The following SLC45A4 variants were observed in gnomAD, a reference collection of about 807,000 sequenced individuals.
The protein encoded by SLC45A4 is solute carrier family 45 member 4, also known as polyamine-transporter SLC45A4.
Under a neutral mutation model 63.7 loss-of-function variants are expected in SLC45A4, and 32 were observed. The ratio of observed to expected loss-of-function variants is 0.50; its 90% CI spans 0.38 to 0.67. The LOEUF (loss-of-function observed/expected upper bound fraction) is 0.67. SLC45A4 is among the 30% of genes least tolerant of loss of function. SLC45A4 has a pLI of 0.00. For synonymous variants in SLC45A4, 535 were observed against 510.0 expected (o/e 1.05, Z -0.66); for missense variants, 1,027 against 1,157.7 (o/e 0.89, Z 1.64).
chr8:141,247,743 C>T (rs1828285397), intron 2 of SLC45A4, among the ~76,000 whole-genome samples: 1 of 152,170 alleles, frequency 6.6e-6, no homozygotes, highest in Admixed American at 6.5e-5. Context: ...GGCATATTTC[C>T]TAATTTCGAG....
intron 2 of SLC45A4, among the ~76,000 whole-genome samples, chr8:141,244,183 C>T (rs960182940): frequency 8.5e-5 from 13 of 152,186 alleles, no homozygotes; most frequent in African/African-American, 3.1e-4. Context: ...GGGCACAGTG[C>T]TGACTGGTAA....
chr8:141,222,196 A>T (rs1826686516), intron 2 of SLC45A4, among the ~76,000 whole-genome samples: 1 of 152,242 alleles, frequency 6.6e-6, no homozygotes, highest in Non-Finnish European at 1.5e-5. Flanking sequence ...GTCCCTTGAC[A>T]CCAGACAGTC....
chr8:141,217,250 C>T, intron 5 of SLC45A4, 61 bp from the exon 6 acceptor site: 3 of 1,548,108 alleles, frequency 1.9e-6, no homozygotes, highest in East Asian at 2.3e-5. Context: ...AGGCCAGGAG[C>T]GTATTTCCCA....
intron 2 of SLC45A4, among the ~76,000 whole-genome samples, chr8:141,241,031 G>T (rs117931335): frequency 6.6e-6 from 1 of 152,362 alleles, no homozygotes; most frequent in South Asian, 2.1e-4. Context: ...GCTTTGGGGC[G>T]CTGTGGGCCT....
In SLC45A4 at chr8:141,271,878, C is replaced by T. The variant is rs910563759; in HGVS notation, c.-400-17249G>A. ...ACACACACACGCACTCACACACGTG[C>T]ATGCAACACACACCTGCGTACACAT... On this transcript the variant is annotated intron_variant, in intron 1 of 8. Coordinates refer to ENST00000517878, the MANE Select transcript of SLC45A4 (RefSeq NM_001286646.2). Among the ~76,000 whole-genome samples, 118 of 151,592 alleles carry T rather than the reference C, an allele frequency of 7.8e-4. 2 individuals carry two copies. Among genetic ancestry groups the T allele is most frequent in the Non-Finnish European group, 2.5e-4 (17 of 67,918 alleles).
At chr8:141,220,449 C>T (rs1052534463) in intron 3 of SLC45A4, among the ~76,000 whole-genome samples, 3 of 152,138 alleles carry the variant, frequency 2.0e-5, no homozygotes, top group African/African-American at 4.8e-5. Context: ...AGTGGGCTGC[C>T]GGCACTCAAA....
Position 141,254,734 on chromosome 8 carries a change from C to T in SLC45A4, c.-400-105G>A, listed in dbSNP as rs550386735. Reference sequence around the variant, plus strand: ...GAGCAAGCCGTGTGCCCCGAGGGCCCGACCCAAGATCACACAGCTCTCTGC... The same window carrying T: ...GAGCAAGCCGTGTGCCCCGAGGGCCTGACCCAAGATCACACAGCTCTCTGC... On this transcript the variant is annotated intron_variant, in intron 1 of 8. Transcript: ENST00000517878. This position sits in a 1 kb window ranked among gnomAD's most constrained non-coding sequence, Gnocchi z 4.5. 56 of 683,122 alleles carry T rather than the reference C, an allele frequency of 8.2e-5. No homozygotes were observed. The highest frequency in any genetic ancestry group is 1.3e-4 in the Non-Finnish European group (50 of 372,970). The allele number at this position is 683,122 out of a possible 1,614,324, so 42.3% of individuals were successfully genotyped here.
At chr8:141,300,604 G>A (rs184348785) in intron 1 of SLC45A4, among the ~76,000 whole-genome samples, 1 of 152,202 alleles carries the variant, frequency 6.6e-6, no homozygotes, top group Non-Finnish European at 1.5e-5. Context: ...CTCCGGAACA[G>A]GCACAGCGAT....
At chr8:141,246,744 G>T (rs1054982370) in intron 2 of SLC45A4, among the ~76,000 whole-genome samples, 1 of 152,128 alleles carries the variant, frequency 6.6e-6, no homozygotes, top group Non-Finnish European at 1.5e-5. Context: ...TATTAGAAAT[G>T]AAACCATTTC....
Position 141,254,484 on chromosome 8 carries a change from T to C in SLC45A4, c.-255A>G. 3 of 679,744 alleles carry C rather than the reference T, an allele frequency of 4.4e-6. No homozygotes were observed. Among genetic ancestry groups the C allele is most frequent in the Non-Finnish European group, 8.1e-6 (3 of 372,320 alleles). The allele number at this position is 679,744 out of a possible 1,614,324, so 42.1% of individuals were successfully genotyped here. A position where few individuals can be genotyped will look rare whatever the true frequency, so the allele number is the denominator to read the frequency against. ...TTGCTGGTTTACTGTGAATTAGAGT[T>C]AAAAATCCATAATTGCCATTCAGTT... On this transcript the variant is annotated 5_prime_UTR_variant, in exon 2 of 9. It removes the in-frame stop codon of an upstream open reading frame in the 5' UTR. Transcript: ENST00000517878. This position sits in a 1 kb window ranked among gnomAD's most constrained non-coding sequence, Gnocchi z 4.5.
chr8:141,284,083 G>A (rs1830054854), intron 1 of SLC45A4, among the ~76,000 whole-genome samples: 1 of 152,192 alleles, frequency 6.6e-6, no homozygotes, highest in Non-Finnish European at 1.5e-5. Flanking sequence ...TACACATTAT[G>A]CAATTTGCTT....
Position 141,270,850 on chromosome 8 carries a change from G to A in SLC45A4, c.-400-16221C>T, listed in dbSNP as rs759617272. On this transcript the variant is annotated intron_variant, in intron 1 of 8. Coordinates refer to ENST00000517878, the MANE Select transcript of SLC45A4 (RefSeq NM_001286646.2). ...CCTCTGGGTCCCCACGGCACCACCA[G>A]CTCGACCAGCTCGTACCTCCCTGTC... Among the ~76,000 whole-genome samples, 49 of 152,248 alleles carry A rather than the reference G, an allele frequency of 3.2e-4. 1 individual carries two copies. The highest frequency in any genetic ancestry group is 9.6e-5 in the African/African-American group (4 of 41,548).
At chr8:141,273,216 G>C (rs1829605409) in intron 1 of SLC45A4, among the ~76,000 whole-genome samples, 1 of 152,338 alleles carries the variant, frequency 6.6e-6, no homozygotes, top group South Asian at 2.1e-4. Context: ...TGATTTGCAT[G>C]ATCAGCTGAG....
intron 1 of SLC45A4, among the ~76,000 whole-genome samples, chr8:141,263,631 A>G (rs937312007): frequency 2.4e-4 from 36 of 151,264 alleles, no homozygotes; most frequent in African/African-American, 8.5e-4. Context: ...TTAGCTGGGC[A>G]TGGTGGCATG....
rs746309380 is a variant in SLC45A4 at position 141,212,574 on chromosome 8, C to T, written c.1942-18G>A. 5.3e-5 allele frequency: 83 copies of T among 1,579,692 alleles called. No individual in the cohort carries two copies. Among genetic ancestry groups the T allele is most frequent in the Admixed American group, 1.0e-4 (6 of 57,996 alleles). ...TGGATGTACTGCAAGAGAGGAAACA[C>T]GAGGCGGTGAGCGGCTGGAGAAGGT... On this transcript the variant is annotated intron_variant, in intron 7 of 8. Coordinates refer to ENST00000517878, the MANE Select transcript of SLC45A4 (RefSeq NM_001286646.2).
At position 141,227,986 on chromosome 8, in the gene SLC45A4, C is replaced by T. The variant is rs1021095905; in HGVS notation, c.242-6221G>A. Among the ~76,000 whole-genome samples, 8 of 152,122 alleles carry T rather than the reference C, an allele frequency of 5.3e-5. No homozygotes were observed. The highest frequency in any genetic ancestry group is 1.9e-4 in the African/African-American group (8 of 41,410). ...GGACAATAAGTTCCCGGGCTTTGGC[C>T]TTTTGTAGGAGAGGAGGAATTGAAA... On this transcript the variant is annotated intron_variant, in intron 2 of 8. Transcript: ENST00000517878. This position sits in a 1 kb window ranked among gnomAD's most constrained non-coding sequence, Gnocchi z 4.4.
chr8:141,281,285 G>C (rs1318061998), intron 1 of SLC45A4, among the ~76,000 whole-genome samples: 1 of 152,216 alleles, frequency 6.6e-6, no homozygotes, highest in African/African-American at 2.4e-5. Context: ...GGTGCAGTGA[G>C]CTGAGATCAC....
Position 141,307,164 on chromosome 8 carries a change from C to A in SLC45A4, c.-401+932G>T, listed in dbSNP as rs144091000. Among the ~76,000 whole-genome samples, 12 of 152,224 alleles carry A rather than the reference C, an allele frequency of 7.9e-5. No individual in the cohort carries two copies. The East Asian group carries it at 2.3e-3, about 29-fold the overall frequency. ...CCAGGAGGCTGGGCCCCGTGTGGAT[C>A]CGCCTCCGCTGGAAAAGCCGCTGCT... is the stretch of plus-strand genomic sequence containing the variant. On this transcript the variant is annotated intron_variant, in intron 1 of 8. Coordinates refer to ENST00000517878, the MANE Select transcript of SLC45A4 (RefSeq NM_001286646.2).
chr8:141,270,187 C>T (rs768670337), intron 1 of SLC45A4, among the ~76,000 whole-genome samples: 2 of 151,998 alleles, frequency 1.3e-5, no homozygotes, highest in Non-Finnish European at 2.9e-5. Flanking sequence ...AAACGAATCC[C>T]TAAGTGCTAA....
Sources: gnomAD v4.1 joint callset for allele counts (sites outside exome capture counted in the v4.1 genomes callset) on GRCh38, gnomAD v4.1.1 for gene constraint, Gnocchi (gnomAD v3.1) non-coding constraint, MANE v1.5 for transcripts, NCBI Gene and HGNC (gene_info 2026-07-23, HGNC 2026-07-21) for gene names.